The following PDZD2 variants were observed in gnomAD, a reference collection of about 807,000 sequenced individuals.
PDZD2 encodes PDZ domain-containing protein 2.
In PDZD2, 90 loss-of-function variants were observed where a neutral mutation model predicts 220.7. That is an observed-to-expected ratio of 0.41 (90% CI 0.34 to 0.49). The LOEUF (loss-of-function observed/expected upper bound fraction) is 0.49. Ranked by LOEUF, PDZD2 falls within the 20% of genes least tolerant of loss-of-function variation. PDZD2 has a pLI of 0.28. For synonymous variants in PDZD2, 1,375 were observed against 1,450.5 expected, an observed-to-expected ratio of 0.95 and a Z score of 1.18; for missense variants, 3,174 against 3,608.5, an observed-to-expected ratio of 0.88 and a Z score of 3.08.
intron 2 of PDZD2, among the ~76,000 whole-genome samples, chr5:31,970,146 C>T (rs13181116): frequency 0.29 from 44,418 of 151,748 alleles, 7,042 homozygotes; most frequent in East Asian, 0.6. Context: ...CCGCCCACCT[C>T]GGCCTCCCAA....
intron 1 of PDZD2, among the ~76,000 whole-genome samples, chr5:31,737,431 C>T (rs547513624): frequency 6.6e-6 from 1 of 152,058 alleles, no homozygotes; most frequent in African/African-American, 2.4e-5. Flanking sequence ...CTTGGCCTCC[C>T]AAAGTGCTGG....
At chr5:32,022,291 G>A (rs1389855132) in intron 6 of PDZD2, among the ~76,000 whole-genome samples, 3 of 147,754 alleles carry the variant, frequency 2.0e-5, no homozygotes, top group Admixed American at 1.4e-4. Context: ...TCTACCTCCC[G>A]GGTTCAAGCA....
chr5:31,703,993 C>G (rs897404493), intron 1 of PDZD2, among the ~76,000 whole-genome samples: 1 of 143,184 alleles, frequency 7.0e-6, no homozygotes, highest in African/African-American at 2.6e-5. Context: ...CCTTTCTTTC[C>G]TTCCTTCCCT....
At chr5:31,930,095 G>A (rs4597984) in intron 2 of PDZD2, among the ~76,000 whole-genome samples, 5 of 152,024 alleles carry the variant, frequency 3.3e-5, no homozygotes, top group Non-Finnish European at 7.4e-5. Flanking sequence ...GAGGCCTCCC[G>A]AGAAGCCAGG....
intron 1 of PDZD2, among the ~76,000 whole-genome samples, chr5:31,708,831 T>A (rs1199361334): frequency 6.6e-6 from 1 of 152,106 alleles, no homozygotes; most frequent in Non-Finnish European, 1.5e-5. Flanking sequence ...TTGTCTTTTC[T>A]TTGCAACTTG....
chr5:32,079,276 A>C (rs1248643222), intron 19 of PDZD2, among the ~76,000 whole-genome samples: 2 of 146,426 alleles, frequency 1.4e-5, no homozygotes, highest in Admixed American at 6.7e-5. Context: ...AAACAAAAAA[A>C]AAACAAAAAA....
chr5:31,809,438 C>T (rs942001407), intron 2 of PDZD2, among the ~76,000 whole-genome samples: 19 of 152,264 alleles, frequency 1.2e-4, no homozygotes, highest in Non-Finnish European at 7.4e-5. Flanking sequence ...TTCCTGTGGC[C>T]CTGGGAGGTG....
chr5:31,641,547 AT>A (rs10627930), intron 1 of PDZD2, among the ~76,000 whole-genome samples: 132 of 144,976 alleles, frequency 9.1e-4, no homozygotes, highest in East Asian at 3.6e-3. Context: ...TGTGTGAGAT[AT>A]TTTTTTTTTT....
chr5:31,919,404 C>A (rs541027629), intron 2 of PDZD2, among the ~76,000 whole-genome samples: 1 of 150,956 alleles, frequency 6.6e-6, no homozygotes, highest in East Asian at 2.0e-4. Flanking sequence ...TAGAGTGCGG[C>A]GGTACGATCT....
chr5:31,836,290 G>A (rs1756939119), intron 2 of PDZD2, among the ~76,000 whole-genome samples: 1 of 147,756 alleles, frequency 6.8e-6, no homozygotes, highest in Non-Finnish European at 1.5e-5. Context: ...GCAGTGGAGT[G>A]GCATGATCTT....
chr5:31,706,321 A>C (rs1747818793), intron 1 of PDZD2, among the ~76,000 whole-genome samples: 1 of 152,174 alleles, frequency 6.6e-6, no homozygotes, highest in African/African-American at 2.4e-5. Context: ...GTTTACGAAT[A>C]AGGAACAGGT....
At chr5:32,077,314 T>G (rs746916079) in intron 18 of PDZD2, 148 bp from the exon 19 acceptor site, 4 of 727,868 alleles carry the variant, frequency 5.5e-6, no homozygotes, top group African/African-American at 3.5e-5. Flanking sequence ...CTAGCAGACC[T>G]TAAACCCACA....
intron 2 of PDZD2, among the ~76,000 whole-genome samples, chr5:31,864,594 A>C (rs1738020871): frequency 6.6e-6 from 1 of 151,222 alleles, no homozygotes; most frequent in Admixed American, 6.6e-5. Context: ...ATCTCAGCTC[A>C]CTGCAACCTC....
chr5:31,679,431 G>A (rs1746567090), intron 1 of PDZD2, among the ~76,000 whole-genome samples: 1 of 152,202 alleles, frequency 6.6e-6, no homozygotes, highest in Non-Finnish European at 1.5e-5. Context: ...TATCTTGTGG[G>A]GCATTGTGAT....
intron 19 of PDZD2, among the ~76,000 whole-genome samples, chr5:32,080,413 T>C (rs952316292): frequency 4.7e-5 from 7 of 150,428 alleles, no homozygotes; most frequent in African/African-American, 1.2e-4. Flanking sequence ...TGAAGTTACA[T>C]TGAGGCAGCC....
At chr5:31,765,838 G>C (rs548126500) in intron 1 of PDZD2, among the ~76,000 whole-genome samples, 2 of 152,204 alleles carry the variant, frequency 1.3e-5, no homozygotes, top group East Asian at 3.9e-4. Context: ...TTGAATATGT[G>C]GCTAGTCGTG....
intron 2 of PDZD2, among the ~76,000 whole-genome samples, chr5:31,940,191 C>T (rs919733997): frequency 1.8e-4 from 27 of 152,172 alleles, no homozygotes; most frequent in South Asian, 4.1e-4. Context: ...TCCTTGGTGA[C>T]GGGGGAACAA....
intron 6 of PDZD2, among the ~76,000 whole-genome samples, chr5:32,030,252 G>A (rs1305056655): frequency 6.6e-6 from 1 of 152,178 alleles, no homozygotes; most frequent in Admixed American, 6.5e-5. Flanking sequence ...TTCCACATTT[G>A]TTGAGCTGGA....
intron 2 of PDZD2, among the ~76,000 whole-genome samples, chr5:31,880,235 T>C (rs773086209): frequency 6.6e-6 from 1 of 152,218 alleles, no homozygotes; most frequent in Non-Finnish European, 1.5e-5. Context: ...TACCTGCCTT[T>C]AAAAGACGAG....
Sources: gnomAD v4.1 joint callset for allele counts (sites outside exome capture counted in the v4.1 genomes callset) on GRCh38, gnomAD v4.1.1 for gene constraint, MANE v1.5 for transcripts, NCBI Gene and HGNC (gene_info 2026-07-23, HGNC 2026-07-21) for gene names.